Variants in DLC1 observed in about 807,000 individuals in gnomAD.
DLC1 encodes the protein rho GTPase-activating protein 7.
DLC1 carries 54 observed loss-of-function variants against 140.3 expected under a neutral mutation model. That is an observed-to-expected ratio of 0.38 (90% CI 0.31 to 0.48). The LOEUF is 0.48. Ranked by LOEUF, DLC1 falls within the 20% of genes least tolerant of loss-of-function variation. DLC1 has a pLI of 0.96. For synonymous variants in DLC1, 986 were observed against 728.1 expected (o/e 1.35, Z -5.70); for missense variants, 2,536 against 1,907.0 (o/e 1.33, Z -6.14).
intron 5 of DLC1, among the ~76,000 whole-genome samples, chr8:13,254,938 T>C (rs1185516372): frequency 6.6e-6 from 1 of 152,102 alleles, no homozygotes; most frequent in Non-Finnish European, 1.5e-5. Context: ...AGTTACTATA[T>C]GATCTTGGAA....
At position 13,348,377 on chromosome 8, in the gene DLC1, A is replaced by G. The variant is rs150196573; in HGVS notation, c.1315-43075T>C. ...GCTCATTCAGGGCCATGAGCCACACACAAGGTAAATATTATTCTTTAGAGG... is the reference window on the plus strand; with the variant it reads ...GCTCATTCAGGGCCATGAGCCACACGCAAGGTAAATATTATTCTTTAGAGG... On this transcript the variant is annotated intron_variant, in intron 4 of 17. Transcript: ENST00000276297. 6.6e-3 allele frequency among the ~76,000 whole-genome samples: 1,005 copies of G among 152,306 alleles called. 6 individuals are homozygous for G. Among genetic ancestry groups the G allele is most frequent in the East Asian group, 0.044 (227 of 5,168 alleles).
At chr8:13,098,163 T>G (rs1363225075) in intron 10 of DLC1, among the ~76,000 whole-genome samples, 5 of 151,300 alleles carry the variant, frequency 3.3e-5, no homozygotes, top group Admixed American at 3.3e-4. Context: ...AGGTCAAGGC[T>G]GCAGTGAGCC....
intron 5 of DLC1, among the ~76,000 whole-genome samples, chr8:13,123,880 T>A (rs1366331576): frequency 6.6e-6 from 1 of 152,228 alleles, no homozygotes; most frequent in Non-Finnish European, 1.5e-5. Context: ...TTAATTTTTC[T>A]GACCAGGATC....
chr8:13,287,375 T>C (rs1831569321), intron 5 of DLC1, among the ~76,000 whole-genome samples: 1 of 152,242 alleles, frequency 6.6e-6, no homozygotes, highest in African/African-American at 2.4e-5. Context: ...TTGTTTTCTT[T>C]TCCAATTTTA....
intron 4 of DLC1, among the ~76,000 whole-genome samples, chr8:13,315,780 C>G (rs1318346286): frequency 6.6e-6 from 1 of 152,200 alleles, no homozygotes; most frequent in East Asian, 1.9e-4. Flanking sequence ...GTCATATGCT[C>G]AGGTTTGCCT....
At chr8:13,575,516 A>G (rs1423578727) in intron 1 of DLC1, among the ~76,000 whole-genome samples, 1 of 152,158 alleles carries the variant, frequency 6.6e-6, no homozygotes, top group South Asian at 2.1e-4. Flanking sequence ...ATAAGGGAGC[A>G]TATGGGCTTT....
intron 5 of DLC1, among the ~76,000 whole-genome samples, chr8:13,280,280 T>A (rs1186568344): frequency 1.1e-5 from 1 of 93,030 alleles, no homozygotes; most frequent in Non-Finnish European, 1.9e-5. Flanking sequence ...GGAGAGAGAC[T>A]CCATCTCAAA....
At chr8:13,140,488 C>T (rs1822898238) in intron 5 of DLC1, among the ~76,000 whole-genome samples, 1 of 151,338 alleles carries the variant, frequency 6.6e-6, no homozygotes, top group Admixed American at 6.6e-5. Context: ...CTGCCTCTGC[C>T]TTCCAAAGTG....
chr8:13,158,888 C>G (rs917609208), intron 5 of DLC1, among the ~76,000 whole-genome samples: 29 of 152,070 alleles, frequency 1.9e-4, no homozygotes, highest in African/African-American at 5.8e-4. Flanking sequence ...GTACACCCAA[C>G]AGACATACAA....
intron 5 of DLC1, among the ~76,000 whole-genome samples, chr8:13,132,307 A>G (rs1585725097): frequency 6.6e-6 from 1 of 151,506 alleles, no homozygotes; most frequent in Non-Finnish European, 1.5e-5. Context: ...CTCTCCAGGT[A>G]CCTGCGGCCA....
intron 1 of DLC1, among the ~76,000 whole-genome samples, chr8:13,555,148 C>T (rs1440111509): frequency 6.6e-6 from 1 of 152,240 alleles, no homozygotes; most frequent in African/African-American, 2.4e-5. Context: ...ACTCTTCAGA[C>T]ACACTTTCCT....
chr8:13,428,450 A>T (rs926654574), intron 2 of DLC1, among the ~76,000 whole-genome samples: 7 of 152,214 alleles, frequency 4.6e-5, no homozygotes, highest in Non-Finnish European at 1.0e-4. Context: ...CTGAATCATT[A>T]TGATATCTGT....
chr8:13,374,563 T>C (rs1835880276), intron 4 of DLC1, among the ~76,000 whole-genome samples: 1 of 152,098 alleles, frequency 6.6e-6, no homozygotes, highest in South Asian at 2.1e-4. Flanking sequence ...GGCGGGTGGA[T>C]CATGAGGTCA....
intron 2 of DLC1, among the ~76,000 whole-genome samples, chr8:13,435,678 A>G (rs1248401450): frequency 6.6e-6 from 1 of 152,222 alleles, no homozygotes; most frequent in Non-Finnish European, 1.5e-5. Flanking sequence ...CTCCTGATGA[A>G]GATACTGTGC....
intron 2 of DLC1, among the ~76,000 whole-genome samples, chr8:13,408,446 A>G (rs990414477): frequency 6.6e-6 from 1 of 152,250 alleles, no homozygotes; most frequent in Non-Finnish European, 1.5e-5. Flanking sequence ...TTTAAACTCC[A>G]ACTAGGCTTC....
chr8:13,088,784 A>G, intron 15 of DLC1, 80 bp from the exon 16 acceptor site: 6 of 1,229,338 alleles, frequency 4.9e-6, no homozygotes, highest in Non-Finnish European at 7.0e-6. Context: ...AGTTAGACTA[A>G]CAATTTTAGT....
rs932881210 is a variant in DLC1, at chr8:13,334,915, C to A, written c.1315-29613G>T. 2.6e-5 allele frequency among the ~76,000 whole-genome samples: 4 copies of A among 152,194 alleles called. No individual in the cohort carries two copies. The East Asian group carries it at 5.8e-4, about 22-fold the overall frequency. ...GCAATAGCTCATTTATGCCTCTTAA[C>A]TTTATCTGGAAATAGGGACTGCTAT... On this transcript the variant is annotated intron_variant, in intron 4 of 17. Transcript: ENST00000276297.
chr8:13,191,600 T>G (rs779288106), intron 5 of DLC1, among the ~76,000 whole-genome samples: 23 of 152,188 alleles, frequency 1.5e-4, no homozygotes, highest in Non-Finnish European at 3.1e-4. Context: ...GCCCCGAGAA[T>G]TTGATCATGG....
intron 4 of DLC1, among the ~76,000 whole-genome samples, chr8:13,323,207 G>A: frequency 6.6e-6 from 1 of 152,158 alleles, no homozygotes; most frequent in East Asian, 1.9e-4. Context: ...AAATTATGGG[G>A]AAATTTGCTA....
Sources: gnomAD v4.1 joint callset for allele counts (sites outside exome capture counted in the v4.1 genomes callset) on GRCh38, gnomAD v4.1.1 for gene constraint, MANE v1.5 for transcripts, NCBI Gene and HGNC (gene_info 2026-07-23, HGNC 2026-07-21) for gene names.